Variants in ADAP1 observed in about 807,000 individuals in gnomAD.
ADAP1 encodes ArfGAP with dual PH domains 1.
In ADAP1, 31 loss-of-function variants were observed where a neutral mutation model predicts 54.9. That is an observed-to-expected ratio of 0.56 (90% CI 0.42 to 0.76). ADAP1 has a LOEUF of 0.76. Among genes scored for constraint, ADAP1 ranks in the 30% least tolerant of loss-of-function variants. The probability of loss-of-function intolerance (pLI) is 0.00; values close to 1 mark genes in which losing one functional copy is unlikely to be tolerated. For synonymous variants in ADAP1, 313 were observed against 202.6 expected (o/e 1.55, Z -4.63); for missense variants, 535 against 512.4 (o/e 1.04, Z -0.42).
chr7:916,581 G>A (rs1049563254), intron 4 of ADAP1, among the ~76,000 whole-genome samples: 1 of 152,198 alleles, frequency 6.6e-6, no homozygotes, highest in Non-Finnish European at 1.5e-5. Flanking sequence ...GGCAGGAGTG[G>A]AGCGAGGGGT....
chr7:931,977 G>T (rs1846595993), intron 2 of ADAP1, among the ~76,000 whole-genome samples: 1 of 151,344 alleles, frequency 6.6e-6, no homozygotes, highest in Non-Finnish European at 1.5e-5. Flanking sequence ...CAGGGAGCCA[G>T]GGGGGGCCCA....
rs1846400748 is a variant in ADAP1, at chr7:926,680, G to T, written c.214-36C>A. On this transcript the variant is annotated intron_variant, in intron 2 of 10. Coordinates refer to ENST00000265846, the MANE Select transcript of ADAP1 (RefSeq NM_006869.4). This position sits in a 1 kb window ranked among gnomAD's most constrained non-coding sequence, Gnocchi z 4.6. ...GGAGGGGCCGGGTCAGAGGCCTGGGGTCCCAGGGGCAGCCTAGGAGGTGCC... is the reference window on the plus strand; with the variant it reads ...GGAGGGGCCGGGTCAGAGGCCTGGGTTCCCAGGGGCAGCCTAGGAGGTGCC... 1 of 1,505,136 alleles carries T rather than the reference G, an allele frequency of 6.6e-7. No individual in the cohort carries two copies. Among genetic ancestry groups the T allele is most frequent in the Non-Finnish European group, 8.9e-7 (1 of 1,120,572 alleles). The allele number at this position is 1,505,136 out of a possible 1,614,324, so 93.2% of individuals were successfully genotyped here.
At chr7:934,245 G>A (rs1457479600) in intron 2 of ADAP1, among the ~76,000 whole-genome samples, 1 of 86,570 alleles carries the variant, frequency 1.2e-5, no homozygotes, top group South Asian at 5.8e-4. Flanking sequence ...GTGCAGAGCC[G>A]GGGACCGGGG....
At chr7:909,215 G>GCCGCATTCCA (rs1562917955) in intron 4 of ADAP1, among the ~76,000 whole-genome samples, 5 of 58,368 alleles carry the variant, frequency 8.6e-5, no homozygotes, top group African/African-American at 4.0e-4. Context: ...AGGCGCCAGC[G>GCCGCATTCCA]GGAACCCCGG....
In ADAP1 at chr7:945,702, G is replaced by C. The variant is rs1164288685; in HGVS notation, c.82+8694C>G. 3.1e-6 allele frequency: 3 copies of C among 981,012 alleles called. No individual in the cohort carries two copies. The highest frequency in any genetic ancestry group is 3.6e-6 in the Non-Finnish European group (3 of 825,936). The allele number at this position is 981,012 out of a possible 1,614,324, so 60.8% of individuals were successfully genotyped here. A position where few individuals can be genotyped will look rare whatever the true frequency, so the allele number is the denominator to read the frequency against. On this transcript the variant is annotated intron_variant, in intron 1 of 10. Transcript: ENST00000265846. This position sits in a 1 kb window ranked among gnomAD's most constrained non-coding sequence, Gnocchi z 4.2. ...GTCTCCAGGAGCTGCCTCCTCCTCGGAGACTGCCCACAGCCGCCAGCCTCT... is the reference window on the plus strand; with the variant it reads ...GTCTCCAGGAGCTGCCTCCTCCTCGCAGACTGCCCACAGCCGCCAGCCTCT...
At chr7:954,719 G>T (rs1260254749), upstream of ADAP1, 2 of 981,208 alleles carry the variant, frequency 2.0e-6, no homozygotes, top group Admixed American at 6.3e-5. Context: ...CGCTCTGGCC[G>T]GCAAGGCCCG....
chr7:919,314 G>A (rs752999403), intron 4 of ADAP1, among the ~76,000 whole-genome samples: 1 of 152,178 alleles, frequency 6.6e-6, no homozygotes, highest in Non-Finnish European at 1.5e-5. Context: ...ACCCCCGAAT[G>A]GAAGTGCGTG....
chr7:934,448 A>G (rs1846684144), intron 2 of ADAP1, among the ~76,000 whole-genome samples: 1 of 152,046 alleles, frequency 6.6e-6, no homozygotes, highest in African/African-American at 2.4e-5. Flanking sequence ...GGAGGCCACC[A>G]GCCTCTACGA....
intron 3 of ADAP1, among the ~76,000 whole-genome samples, chr7:923,592 G>C (rs1285683803): frequency 6.6e-6 from 1 of 152,060 alleles, no homozygotes; most frequent in African/African-American, 2.4e-5. Flanking sequence ...CTCCCCTGCG[G>C]GTGCAGCCTC....
At chr7:906,785 GGGGGACGGGACA>G (rs1156997336) in intron 4 of ADAP1, among the ~76,000 whole-genome samples, 22 of 14,758 alleles carry the variant, frequency 1.5e-3, no homozygotes, top group South Asian at 0.012. Context: ...CAGGGGACAC[GGGGGACGGGACA>G]GGGGACATGG....
At chr7:905,703 A>AAAGGAGAAAGGGAAAGGG (rs1562912658) in intron 4 of ADAP1, 1 of 13,838 alleles carries the variant, frequency 7.2e-5, no homozygotes, top group Non-Finnish European at 1.1e-4. Flanking sequence ...AGGAGAAAGG[A>AAAGGAGAAAGGGAAAGGG]GAAAGGAGAA....
chr7:949,571 G>A (rs1847219133), intron 1 of ADAP1, among the ~76,000 whole-genome samples: 1 of 152,238 alleles, frequency 6.6e-6, no homozygotes, highest in South Asian at 2.1e-4. Context: ...GTGCGTCGGG[G>A]AAGCTGGCTG....
chr7:926,176 C>T lies in ADAP1; in HGVS notation c.305+377G>A, dbSNP rs73672470. Among the ~76,000 whole-genome samples, 1,721 of 149,494 alleles carry T rather than the reference C, an allele frequency of 0.012. 33 individuals carry two copies. Among genetic ancestry groups the T allele is most frequent in the African/African-American group, 0.04 (1,624 of 40,748 alleles). On this transcript the variant is annotated intron_variant, in intron 3 of 10. Transcript: ENST00000265846. The surrounding 1 kb of genome is among the most constrained non-coding windows in gnomAD (Gnocchi z 4.6). The stretch of plus-strand genomic sequence containing the variant: ...CGGCCACCGGTACCCACGTCCGCTC[C>T]CGCCCTGAGGAGCCAGGGCAGGCCC...
intron 4 of ADAP1, among the ~76,000 whole-genome samples, chr7:909,926 A>G (rs1194010986): frequency 6.6e-6 from 1 of 151,890 alleles, no homozygotes; most frequent in Non-Finnish European, 1.5e-5. Context: ...GTCTTGTCCC[A>G]CCTGTGGGGA....
At chr7:943,250 G>C (rs1322492128) in intron 1 of ADAP1, among the ~76,000 whole-genome samples, 1 of 24,600 alleles carries the variant, frequency 4.1e-5, no homozygotes. Flanking sequence ...GAGAGGAGGA[G>C]GAAGGGAGAG....
chr7:931,649 A>G (rs1846583061), intron 2 of ADAP1, among the ~76,000 whole-genome samples: 1 of 152,162 alleles, frequency 6.6e-6, no homozygotes, highest in African/African-American at 2.4e-5. Context: ...CGAAGGTTGC[A>G]CAACTCTGAA....
intron 1 of ADAP1, among the ~76,000 whole-genome samples, chr7:948,063 G>A (rs1368976834): frequency 6.6e-6 from 1 of 151,508 alleles, no homozygotes; most frequent in Non-Finnish European, 1.5e-5. Context: ...CCAGGGACCT[G>A]CTCCTCACCC....
chr7:954,690 G>A (rs1847346223), upstream of ADAP1: 1 of 981,396 alleles, frequency 1.0e-6, no homozygotes, highest in Admixed American at 6.3e-5. Context: ...TGCCGGCGCG[G>A]GGCCCGGGGC....
intron 1 of ADAP1, among the ~76,000 whole-genome samples, chr7:952,533 G>A (rs1450893106): frequency 1.3e-5 from 2 of 152,180 alleles, no homozygotes; most frequent in East Asian, 1.9e-4. Context: ...TCGAGGATGT[G>A]CCATGGGGTC....
Sources: gnomAD v4.1 joint callset for allele counts (sites outside exome capture counted in the v4.1 genomes callset) on GRCh38, gnomAD v4.1.1 for gene constraint, Gnocchi (gnomAD v3.1) non-coding constraint, MANE v1.5 for transcripts, NCBI Gene and HGNC (gene_info 2026-07-23, HGNC 2026-07-21) for gene names.